LHX2: variants seen among roughly 807,000 people sequenced by gnomAD.
LHX2 encodes the protein LIM/homeobox protein Lhx2.
In LHX2, 6 loss-of-function variants were observed where a neutral mutation model predicts 33.0. That is an observed-to-expected ratio of 0.18 (90% CI 0.10 to 0.36). The LOEUF (loss-of-function observed/expected upper bound fraction) is 0.36. LHX2 is among the 10% of genes least tolerant of loss of function. The probability of loss-of-function intolerance (pLI) is 1.00; values close to 1 mark genes in which losing one functional copy is unlikely to be tolerated. For missense variants in LHX2, 442 were observed against 586.2 expected, an observed-to-expected ratio of 0.75 and a Z score of 2.54; for synonymous variants, 292 against 253.1, an observed-to-expected ratio of 1.15 and a Z score of -1.46.
rs2118748027 is a variant in LHX2, at chr9:124,014,955, G to T, written c.324-167G>T. On this transcript the variant is annotated intron_variant, in intron 2 of 4. Transcript: ENST00000373615. The surrounding 1 kb of genome is among the most constrained non-coding windows in gnomAD (Gnocchi z 4.8). ...GGAAACTATTTTAGGACAGGACCAG[G>T]CCTGGGTCAAAATCTAGTTCTCTCT... 1.4e-6 allele frequency: 1 copy of T among 697,872 alleles called. No homozygotes were observed. The highest frequency in any genetic ancestry group is 2.7e-5 in the East Asian group (1 of 37,056). 43.2% of individuals were successfully genotyped at this position (697,872 alleles called of 1,614,324 possible).
intron 3 of LHX2, 116 bp from the exon 4 acceptor site, chr9:124,020,983 G>A (rs1859281821): frequency 1.4e-5 from 12 of 870,024 alleles, no homozygotes; most frequent in Admixed American, 2.3e-5. Flanking sequence ...TCATTGTGGC[G>A]CAGACATGCA....
chr9:124,024,709 A>G (rs896772148), intron 4 of LHX2, among the ~76,000 whole-genome samples: 1 of 152,248 alleles, frequency 6.6e-6, no homozygotes, highest in South Asian at 2.1e-4. Flanking sequence ...TCATTTACAC[A>G]GTACAGTTCA....
chr9:124,012,396 C>A lies in LHX2; in HGVS notation c.48C>A (p.Asp16Glu). 1 of 1,532,846 alleles carries A rather than the reference C, an allele frequency of 6.5e-7. No individual in the cohort carries two copies. The highest frequency in any genetic ancestry group is 8.7e-7 in the Non-Finnish European group (1 of 1,144,600). 95.0% of individuals were successfully genotyped at this position (1,532,846 alleles called of 1,614,324 possible). Residue 16 changes from aspartate (D) to glutamate (E), a missense_variant, in exon 1 of 5, where the codon GAC becomes GAA. Transcript: ENST00000373615. The surrounding 1 kb of genome is among the most constrained non-coding windows in gnomAD (Gnocchi z 4.3). The stretch of plus-strand genomic sequence containing the variant: ...GCCCCGAGGTGCACGGGGTCATCGA[C>A]GAGATGGACCGCAGGGCCAAGAGCG... ...LSGPEVHGVIDEMDRRAKSEA... is the reference protein window; with the variant it reads ...LSGPEVHGVIEEMDRRAKSEA...
intron 4 of LHX2, among the ~76,000 whole-genome samples, chr9:124,030,490 C>G (rs1000726717): frequency 6.6e-6 from 1 of 152,236 alleles, no homozygotes; most frequent in South Asian, 2.1e-4. Flanking sequence ...TCAACCCCCC[C>G]AGAGTGGCCT....
Position 124,012,259 on chromosome 9 carries a change from C to A in LHX2, c.-90C>A. 2 of 1,295,544 alleles carry A rather than the reference C, an allele frequency of 1.5e-6. No individual in the cohort carries two copies. The highest frequency in any genetic ancestry group is 2.0e-6 in the Non-Finnish European group (2 of 1,013,320). The allele number at this position is 1,295,544 out of a possible 1,614,324, so 80.3% of individuals were successfully genotyped here. A position where few individuals can be genotyped will look rare whatever the true frequency, so the allele number is the denominator to read the frequency against. Reference sequence around the variant, plus strand: ...GGGCCGCGGTGGCGATGCACCGGGCCCGTTAGCGCCAGGAGCGCCAGGCAG... The same window carrying A: ...GGGCCGCGGTGGCGATGCACCGGGCACGTTAGCGCCAGGAGCGCCAGGCAG... On this transcript the variant is annotated 5_prime_UTR_variant, in exon 1 of 5. Transcript: ENST00000373615. The surrounding 1 kb of genome is among the most constrained non-coding windows in gnomAD (Gnocchi z 4.3).
intron 4 of LHX2, among the ~76,000 whole-genome samples, chr9:124,024,537 C>G (rs960922308): frequency 6.6e-6 from 1 of 152,212 alleles, no homozygotes; most frequent in Non-Finnish European, 1.5e-5. Context: ...CCTCTCTGAG[C>G]CTGATGCCTT....
At chr9:124,024,221 G>A (rs76747166) in intron 4 of LHX2, among the ~76,000 whole-genome samples, 85 of 152,334 alleles carry the variant, frequency 5.6e-4, no homozygotes, top group African/African-American at 1.9e-3. Context: ...ATTGCACATG[G>A]TGATGCAGCA....
chr9:124,022,578 A>G (rs1859311706), intron 4 of LHX2, among the ~76,000 whole-genome samples: 1 of 152,224 alleles, frequency 6.6e-6, no homozygotes, highest in South Asian at 2.1e-4. Context: ...GTGGGATTCG[A>G]GTCCAGGCCA....
chr9:124,026,769 A>G (rs1182602809), intron 4 of LHX2, among the ~76,000 whole-genome samples: 2 of 152,238 alleles, frequency 1.3e-5, no homozygotes, highest in African/African-American at 2.4e-5. Flanking sequence ...TTGTAAAGAA[A>G]TAAAATGGTA....
Position 124,014,032 on chromosome 9 carries a change from C to T in LHX2, c.192C>T (p.Tyr64=), listed in dbSNP as rs750458003. The part of the protein sequence containing the change: ...AGCGGKISDR[Y]YLLAVDKQWH... ...GCGGGGGCAAGATCTCGGACCGCTA[C>T]TACCTGCTGGCGGTGGACAAGCAGT... The change falls in exon 2 of 5, where the codon TAC becomes TAT. Residue 64 remains tyrosine (Y), a synonymous_variant. Coordinates refer to ENST00000373615, the MANE Select transcript of LHX2 (RefSeq NM_004789.4). The surrounding 1 kb of genome is among the most constrained non-coding windows in gnomAD (Gnocchi z 4.8). 3.1e-6 allele frequency: 5 copies of T among 1,613,668 alleles called. No individual in the cohort carries two copies. In the South Asian group the frequency reaches 4.4e-5, roughly 14 times the overall value.
At chr9:124,020,640 C>G (rs141332465) in intron 3 of LHX2, among the ~76,000 whole-genome samples, 1 of 152,244 alleles carries the variant, frequency 6.6e-6, no homozygotes, top group Admixed American at 6.5e-5. Flanking sequence ...AGTGACTTCC[C>G]TTGCTGAGCC....
At chr9:124,018,378 T>C (rs1333282715) in intron 3 of LHX2, among the ~76,000 whole-genome samples, 1 of 151,496 alleles carries the variant, frequency 6.6e-6, no homozygotes, top group African/African-American at 2.4e-5. Context: ...CCCCGGGCAC[T>C]GGGGGCGGGA....
Position 124,012,305 on chromosome 9 carries a change from T to A in LHX2, c.-44T>A. Reference sequence around the variant, plus strand: ...GGCAGCTGAGGCGGGGGGCAAGCCCTCCCTCGGAGGAGCCGCGCCCCCGGC... The same window carrying A: ...GGCAGCTGAGGCGGGGGGCAAGCCCACCCTCGGAGGAGCCGCGCCCCCGGC... On this transcript the variant is annotated 5_prime_UTR_variant, in exon 1 of 5. Coordinates refer to ENST00000373615, the MANE Select transcript of LHX2 (RefSeq NM_004789.4). This position sits in a 1 kb window ranked among gnomAD's most constrained non-coding sequence, Gnocchi z 4.3. The A allele has an allele frequency of 6.9e-7, 1 of 1,456,268 alleles. No individual in the cohort carries two copies. The highest frequency in any genetic ancestry group is 9.0e-7 in the Non-Finnish European group (1 of 1,107,092). The allele number at this position is 1,456,268 out of a possible 1,614,324, so 90.2% of individuals were successfully genotyped here. A position where few individuals can be genotyped will look rare whatever the true frequency, so the allele number is the denominator to read the frequency against.
rs1203400268 is a variant in LHX2, at chr9:124,014,498, G to A, written c.323+335G>A. Among the ~76,000 whole-genome samples, 1 of 152,128 alleles carries A rather than the reference G, an allele frequency of 6.6e-6. No homozygotes were observed. Among genetic ancestry groups the A allele is most frequent in the Admixed American group, 6.5e-5 (1 of 15,268 alleles). On this transcript the variant is annotated intron_variant, in intron 2 of 4. Transcript: ENST00000373615. This position sits in a 1 kb window ranked among gnomAD's most constrained non-coding sequence, Gnocchi z 4.8. The stretch of plus-strand genomic sequence containing the variant: ...TTTCTTGAGTTAATCCGAGGTTATA[G>A]AAACAGGCACCCCCAAACCTAGGCA...
chr9:124,023,066 G>C (rs1859322217), intron 4 of LHX2, among the ~76,000 whole-genome samples: 3 of 152,238 alleles, frequency 2.0e-5, no homozygotes, highest in African/African-American at 7.2e-5. Context: ...TTCGTTGTTT[G>C]CCTTCTTGGG....
chr9:124,024,861 T>G (rs1387044318), intron 4 of LHX2, among the ~76,000 whole-genome samples: 1 of 152,202 alleles, frequency 6.6e-6, no homozygotes, highest in African/African-American at 2.4e-5. Context: ...GAGTTCAGAT[T>G]GGTCTGAAAT....
In LHX2 at chr9:124,032,489, A is replaced by G; in HGVS notation, c.1003A>G (p.Lys335Glu). 1.2e-6 allele frequency: 2 copies of G among 1,612,134 alleles called. No individual in the cohort carries two copies. The highest frequency in any genetic ancestry group is 1.7e-6 in the Non-Finnish European group (2 of 1,179,870). The change falls in exon 5 of 5, where the codon AAG (lysine) becomes GAG (glutamate). Residue 335 changes from lysine (K) to glutamate (E), a missense_variant. Transcript: ENST00000373615. This position sits in a 1 kb window ranked among gnomAD's most constrained non-coding sequence, Gnocchi z 4.1. Reference protein sequence around the residue: ...LLRQENTGVDKSTDAALQTGT... With the variant: ...LLRQENTGVDESTDAALQTGT... ...ACGGCAGGAAAACACGGGCGTGGACAAGTCGACAGACGCGGCGCTGCAGAC... is the reference window on the plus strand; with the variant it reads ...ACGGCAGGAAAACACGGGCGTGGACGAGTCGACAGACGCGGCGCTGCAGAC...
intron 4 of LHX2, among the ~76,000 whole-genome samples, chr9:124,029,377 A>G (rs1444417024): frequency 1.3e-5 from 2 of 152,116 alleles, no homozygotes; most frequent in Non-Finnish European, 2.9e-5. Context: ...GCTCCCATCA[A>G]ACTCTCAGGA....
Position 124,021,253 on chromosome 9 carries a change from G to A in LHX2, c.882G>A (p.Lys294=), listed in dbSNP as rs1173013794. ...YFAINHNPDA[K]DLKQLAQKTG... ...CCATTAACCACAACCCCGACGCCAA[G>A]GACTTGAAGCAGCTCGCGCAAAAGA... is the stretch of plus-strand genomic sequence containing the variant. Residue 294 remains lysine (K), a synonymous_variant, in exon 4 of 5, where the codon AAG becomes AAA. Coordinates refer to ENST00000373615, the MANE Select transcript of LHX2 (RefSeq NM_004789.4). The A allele has an allele frequency of 8.1e-6, 13 of 1,614,146 alleles. No homozygotes were observed. Among genetic ancestry groups the A allele is most frequent in the Non-Finnish European group, 1.1e-5 (13 of 1,180,046 alleles).
Sources: allele counts gnomAD v4.1 joint callset (sites outside exome capture counted in the v4.1 genomes callset), GRCh38; gene constraint gnomAD v4.1.1; non-coding constraint Gnocchi (gnomAD v3.1); transcripts MANE v1.5; gene names NCBI Gene and HGNC (gene_info 2026-07-23, HGNC 2026-07-21).